The following SASH1 variants were observed in gnomAD, a reference collection of about 807,000 sequenced individuals.
SASH1 encodes SAM and SH3 domain-containing protein 1.
In SASH1, 44 loss-of-function variants were observed where a neutral mutation model predicts 125.2. The observed-to-expected ratio is 0.35, with a 90% CI of 0.28 to 0.45. The LOEUF is 0.45. SASH1 is among the 20% of genes least tolerant of loss of function. The pLI, the probability that SASH1 is intolerant of heterozygous loss-of-function variation, is 1.00. For missense variants in SASH1, 1,426 were observed against 1,614.5 expected (o/e 0.88, Z 2.00); for synonymous variants, 639 against 649.1 (o/e 0.98, Z 0.24).
At chr6:148,201,034 A>G in the SASH1 span, among the ~76,000 whole-genome samples, 2 of 152,160 alleles carry the variant, frequency 1.3e-5, no homozygotes, top group Non-Finnish European at 2.9e-5. Context: ...TGTATTCAAT[A>G]TAGAGTCTAC....
Position 148,449,078 on chromosome 6 carries a change from C to CTTT in SASH1, c.386+8684_386+8686dup. 6.4e-4 allele frequency among the ~76,000 whole-genome samples: 57 copies of CTTT among 88,702 alleles called. 6 individuals are homozygous for CTTT. Among genetic ancestry groups the CTTT allele is most frequent in the Non-Finnish European group, 9.7e-4 (42 of 43,424 alleles). 58.2% of individuals were successfully genotyped at this position (88,702 alleles called of 152,430 possible). A position where few individuals can be genotyped will look rare whatever the true frequency, so the allele number is the denominator to read the frequency against. ...GAGACTGGCTAATTTCATTTCATTT[C>CTTT]TTTTTTTTTTTTTTTGGAGACAGAG... On this transcript the variant is annotated intron_variant, in intron 4 of 19. Transcript: ENST00000367467.
intron 2 of SASH1, among the ~76,000 whole-genome samples, chr6:148,390,557 C>T (rs564648152): frequency 1.4e-3 from 217 of 152,262 alleles, no homozygotes; most frequent in African/African-American, 4.7e-3. Flanking sequence ...GAGGCCCAGG[C>T]GGGCGGATCA....
chr6:148,194,015 T>C, the SASH1 span, among the ~76,000 whole-genome samples: 1 of 152,206 alleles, frequency 6.6e-6, no homozygotes, highest in Non-Finnish European at 1.5e-5. Context: ...CTTTTAAGAT[T>C]TTCTCTAAGG....
chr6:148,502,510 A>G (rs1217924297), intron 8 of SASH1, among the ~76,000 whole-genome samples: 1 of 152,222 alleles, frequency 6.6e-6, no homozygotes, highest in Non-Finnish European at 1.5e-5. Context: ...ACTGTGACCA[A>G]AAGGCCTCTG....
the SASH1 span, among the ~76,000 whole-genome samples, chr6:148,260,796 C>CTTTTT: frequency 0.038 from 3,983 of 103,694 alleles, 235 homozygotes; most frequent in Non-Finnish European, 0.044. Context: ...CCTATAAGGG[C>CTTTTT]TTTTTTTTTT....
intron 7 of SASH1, among the ~76,000 whole-genome samples, chr6:148,487,365 A>G (rs1778922453): frequency 6.6e-6 from 1 of 151,944 alleles, no homozygotes; most frequent in Admixed American, 6.6e-5. Context: ...TTGCCTGTTG[A>G]TTTGACTTAG....
At chr6:148,244,613 G>A in the SASH1 span, among the ~76,000 whole-genome samples, 1 of 152,146 alleles carries the variant, frequency 6.6e-6, no homozygotes, top group African/African-American at 2.4e-5. Flanking sequence ...TTCTTTAATA[G>A]GGAAGACCCT....
chr6:148,332,655 C>T (rs1463523122), intron 1 of SASH1, among the ~76,000 whole-genome samples: 1 of 151,624 alleles, frequency 6.6e-6, no homozygotes, highest in African/African-American at 2.4e-5. Flanking sequence ...ATTCACTTGT[C>T]TCATGGTAAG....
intron 1 of SASH1, among the ~76,000 whole-genome samples, chr6:148,360,865 G>A (rs1032619095): frequency 2.0e-5 from 3 of 152,098 alleles, no homozygotes; most frequent in African/African-American, 4.8e-5. Flanking sequence ...CCACAAAAAA[G>A]GATACCTCGA....
intron 1 of SASH1, among the ~76,000 whole-genome samples, chr6:148,275,305 C>T (rs1024045818): frequency 2.0e-5 from 3 of 152,162 alleles, no homozygotes; most frequent in African/African-American, 7.2e-5. Flanking sequence ...GTTTCTTGGT[C>T]TGGACCCTAA....
chr6:148,317,313 A>G (rs1284248001), intron 1 of SASH1, among the ~76,000 whole-genome samples: 1 of 152,256 alleles, frequency 6.6e-6, no homozygotes, highest in Non-Finnish European at 1.5e-5. Context: ...CACCATGTTT[A>G]TCATGAAACC....
intron 1 of SASH1, among the ~76,000 whole-genome samples, chr6:148,317,736 T>A (rs537984500): frequency 1.3e-5 from 2 of 151,780 alleles, no homozygotes; most frequent in South Asian, 2.1e-4. Context: ...AGGAAAAAAA[T>A]TTTTAATGGG....
At chr6:148,363,423 A>C (rs1038743538) in intron 1 of SASH1, among the ~76,000 whole-genome samples, 1 of 150,752 alleles carries the variant, frequency 6.6e-6, no homozygotes, top group Non-Finnish European at 1.5e-5. Context: ...TTTTTTTGAG[A>C]TGGAGTCTTG....
At chr6:148,407,232 C>G (rs1191713044) in intron 2 of SASH1, among the ~76,000 whole-genome samples, 1 of 152,124 alleles carries the variant, frequency 6.6e-6, no homozygotes, top group African/African-American at 2.4e-5. Flanking sequence ...TAAACAACTC[C>G]CTATTTCCCC....
chr6:148,390,306 T>C, intron 2 of SASH1, 44 bp downstream of exon 2: 1 of 1,588,376 alleles, frequency 6.3e-7, no homozygotes, highest in Non-Finnish European at 8.6e-7. Flanking sequence ...GCAGAGCTGC[T>C]CCAATTTGGG....
the SASH1 span, among the ~76,000 whole-genome samples, chr6:148,242,074 G>A: frequency 1.3e-5 from 2 of 152,178 alleles, no homozygotes; most frequent in African/African-American, 2.4e-5. Context: ...TGGTGCCTTA[G>A]TTGTTTCCAC....
the SASH1 span, among the ~76,000 whole-genome samples, chr6:148,202,813 G>C: frequency 6.6e-6 from 1 of 152,112 alleles, no homozygotes; most frequent in Admixed American, 6.5e-5. Context: ...AACTAGGCAG[G>C]CATGGTGGCA....
In SASH1 at chr6:148,368,770, G is replaced by GCGCACACACA. The variant is rs1554245330; in HGVS notation, c.157-21363_157-21362insGCACACACAC. ...CCCCCACATGCGCGCGCACGCGCGC[G>GCGCACACACA]CACACACACACACACACACACACAC... On this transcript the variant is annotated intron_variant, in intron 1 of 19. Coordinates refer to ENST00000367467, the MANE Select transcript of SASH1 (RefSeq NM_015278.5). Among the ~76,000 whole-genome samples the GCGCACACACA allele has an allele frequency of 6.0e-3, 820 of 135,728 alleles. 12 individuals are homozygous for GCGCACACACA. Among genetic ancestry groups the GCGCACACACA allele is most frequent in the African/African-American group, 0.021 (778 of 37,530 alleles). The allele number at this position is 135,728 out of a possible 152,430, so 89.0% of individuals were successfully genotyped here.
At chr6:148,369,979 A>AAG (rs1782647505) in intron 1 of SASH1, among the ~76,000 whole-genome samples, 13 of 150,698 alleles carry the variant, frequency 8.6e-5, no homozygotes, top group Admixed American at 8.6e-4. Flanking sequence ...AAAAAAAAAA[A>AAG]AAAAAAAGGA....
Sources: gnomAD v4.1 joint callset for allele counts (sites outside exome capture counted in the v4.1 genomes callset) on GRCh38, gnomAD v4.1.1 for gene constraint, MANE v1.5 for transcripts, NCBI Gene and HGNC (gene_info 2026-07-23, HGNC 2026-07-21) for gene names.